MAGEC1: variants seen among roughly 807,000 people sequenced by gnomAD.
The protein encoded by MAGEC1 is melanoma-associated antigen C1.
Under a neutral mutation model 1.5 loss-of-function variants are expected in MAGEC1, and 3 were observed. The ratio of observed to expected loss-of-function variants is 1.97; its 90% confidence interval spans 0.90 to 5.10. The LOEUF is 5.10. MAGEC1 is among the 30% of genes most tolerant of loss of function. MAGEC1 has a pLI of 0.02. For missense variants in MAGEC1, 985 were observed against 803.1 expected, an observed-to-expected ratio of 1.23 and a Z score of -2.74; for synonymous variants, 357 against 310.4, an observed-to-expected ratio of 1.15 and a Z score of -1.58.
Position 141,906,934 on chromosome X carries a change from C to T in MAGEC1, c.1530C>T (p.Pro510=). ...ECTQSTFEGF[P]QSPLQIPQSP... is the part of the protein sequence containing the mutation. ...CTCAAAGTACTTTTGAGGGTTTTCC[C>T]CAGTCTCCTCTCCAGATTCCTCAGA... is the stretch of plus-strand genomic sequence containing the variant. Residue 510 remains proline, a synonymous_variant, in exon 4 of 4, where the codon CCC becomes CCT. Coordinates refer to ENST00000285879, the MANE Select transcript of MAGEC1 (RefSeq NM_005462.5). The T allele has an allele frequency of 8.3e-7, 1 of 1,212,104 alleles. No individual in the cohort carries two copies. The highest frequency in any genetic ancestry group is 1.1e-6 in the Non-Finnish European group (1 of 895,543).
In MAGEC1 at chrX:141,905,101, G is replaced by T. The variant is rs760225183; in HGVS notation, c.4+25G>T. 124 of 1,209,957 alleles carry T rather than the reference G, an allele frequency of 1.0e-4. 1 individual carries two copies. The Admixed American group carries it at 2.6e-3, about 26-fold the overall frequency. On this transcript the variant is annotated intron_variant, in intron 3 of 3. Transcript: ENST00000285879. ...GGTGAGTTTCTCAGCTGAGGCCACT[G>T]GCACTGTCCCTCTCTCCCTCAGTCC...
Position 141,908,176 on chromosome X carries a change from A to G in MAGEC1, c.2772A>G (p.Gln924=). The G allele has an allele frequency of 1.7e-6, 2 of 1,211,792 alleles. No homozygotes were observed. The highest frequency in any genetic ancestry group is 2.2e-6 in the Non-Finnish European group (2 of 895,558). The stretch of plus-strand genomic sequence containing the variant: ...CGCGGTTTCTTCTCCTCAAATATCA[A>G]GTGAAGCAGCCTATCACAAAGGCAG... ...ELARFLLLKY[Q]VKQPITKAEM... The change falls in exon 4 of 4, where the codon CAA becomes CAG. Residue 924 remains glutamine (Q), a synonymous_variant. Transcript: ENST00000285879.
chrX:141,904,397 C>T (rs761432751), intron 1 of MAGEC1, among the ~76,000 whole-genome samples: 60 of 110,556 alleles, frequency 5.4e-4, no homozygotes, highest in Non-Finnish European at 9.3e-4. Context: ...GATTCCCAGG[C>T]CCTGCTGGGA....
In MAGEC1 at chrX:141,908,055, C is replaced by T. The variant is rs762320396; in HGVS notation, c.2651C>T (p.Thr884Ile). Residue 884 changes from threonine (T) to isoleucine (I), a missense_variant, in exon 4 of 4, where the codon ACC (threonine) becomes ATC (isoleucine). Physicochemically the swap from Thr to Ile is moderately conservative, Grantham distance 89. Transcript: ENST00000285879. ...PVDEYTSSSD[T>I]LLESDSLTDS... ...GATGAATATACAAGTTCCTCAGACA[C>T]CTTGCTAGAGAGTGATTCCTTGACA... 17 of 1,211,915 alleles carry T rather than the reference C, an allele frequency of 1.4e-5. No homozygotes were observed. The highest frequency in any genetic ancestry group is 3.0e-5 in the East Asian group (1 of 33,831).
rs771005411 is a variant in MAGEC1, at chrX:141,908,225, A to G, written c.2821A>G (p.Arg941Gly). The G allele has an allele frequency of 2.5e-6, 3 of 1,211,803 alleles. No individual in the cohort carries two copies. Among genetic ancestry groups the G allele is most frequent in the Non-Finnish European group, 3.3e-6 (3 of 895,524 alleles). Residue 941 changes from arginine to glycine, a missense_variant, in exon 4 of 4, where the codon AGG (arginine) becomes GGG (glycine). By Grantham distance (125) the Arg-to-Gly change is moderately radical (BLOSUM62 -2). Transcript: ENST00000285879. ...AGAGATGCTGACGAATGTCATCAGC[A>G]GGTACACGGGCTACTTTCCTGTGAT... ...KAEMLTNVISRYTGYFPVIFR... is the reference protein window; with the variant it reads ...KAEMLTNVISGYTGYFPVIFR...
rs773223839 is a variant in MAGEC1, at chrX:141,905,636, T to C, written c.232T>C (p.Ser78Pro). 2 of 1,208,459 alleles carry C rather than the reference T, an allele frequency of 1.7e-6. No homozygotes were observed. Among genetic ancestry groups the C allele is most frequent in the African/African-American group, 3.5e-5 (2 of 56,730 alleles). The change falls in exon 4 of 4, where the codon TCT (serine) becomes CCT (proline). Residue 78 changes from serine to proline, a missense_variant. Ser to Pro is a moderately conservative substitution (Grantham distance 74, BLOSUM62 -1). Coordinates refer to ENST00000285879, the MANE Select transcript of MAGEC1 (RefSeq NM_005462.5). ...ACCTCCTGAGGGGAAGGACTCCCAG[T>C]CTCCTCTCCAGATTCCCCAGAGTTC... ...QRPPEGKDSQ[S>P]PLQIPQSSPE... is the part of the protein sequence containing the mutation.
Position 141,909,092 on chromosome X carries a change from A to G in MAGEC1, c.*259A>G, listed in dbSNP as rs1927049711. 3.8e-6 allele frequency: 1 copy of G among 262,560 alleles called. No individual in the cohort carries two copies. Among genetic ancestry groups the G allele is most frequent in the African/African-American group, 2.8e-5 (1 of 36,109 alleles). The allele number at this position is 262,560 out of a possible 1,213,427, so 21.6% of individuals were successfully genotyped here. A position where few individuals can be genotyped will look rare whatever the true frequency, so the allele number is the denominator to read the frequency against. ...GCTGTTTTTCTGGTTTAAGAGTAACAGTTTGATATTTTGTAAAAACAAAAA... is the reference window on the plus strand; with the variant it reads ...GCTGTTTTTCTGGTTTAAGAGTAACGGTTTGATATTTTGTAAAAACAAAAA... On this transcript the variant is annotated 3_prime_UTR_variant, in exon 4 of 4. Transcript: ENST00000285879.
At position 141,906,868 on chromosome X, in the gene MAGEC1, C is replaced by G. The variant is rs1391312927; in HGVS notation, c.1464C>G (p.Ser488=). Residue 488 remains serine (S), a synonymous_variant, in exon 4 of 4, where the codon TCC becomes TCG. Transcript: ENST00000285879. ...LQIPVSSSSS[S]STLLSLFQSS... ...TTCCTGTGAGCTCCTCCTCCTCCTC[C>G]TCCACTTTATTGAGTCTTTTCCAGA... 10 of 1,210,828 alleles carry G rather than the reference C, an allele frequency of 8.3e-6. No individual in the cohort carries two copies. The South Asian group carries it at 8.8e-5, about 11-fold the overall frequency.
intron 1 of MAGEC1, among the ~76,000 whole-genome samples, 163 bp downstream of exon 1, chrX:141,904,141 C>T (rs2018161857): frequency 9.0e-6 from 1 of 111,600 alleles, no homozygotes; most frequent in Non-Finnish European, 1.9e-5. Flanking sequence ...AAATGCCGGC[C>T]CTCTAGAGAA....
In MAGEC1 at chrX:141,908,614, G is replaced by C; in HGVS notation, c.3210G>C (p.Leu1070=). 8.3e-7 allele frequency: 1 copy of C among 1,210,492 alleles called. No homozygotes were observed. The highest frequency in any genetic ancestry group is 1.1e-6 in the Non-Finnish European group (1 of 894,782). Residue 1070 remains leucine, a synonymous_variant, in exon 4 of 4, where the codon CTG becomes CTC. Transcript: ENST00000285879. ...CTTCTCCTCCTCGTTACGAATTCCT[G>C]TGGGGTCCAAGAGCTCATTCAGAAG... ...PNSSPPRYEF[L]WGPRAHSEVI...
At position 141,906,689 on chromosome X, in the gene MAGEC1, G is replaced by A. The variant is rs1235244690; in HGVS notation, c.1285G>A (p.Glu429Lys). The A allele has an allele frequency of 8.3e-7, 1 of 1,200,717 alleles. No individual in the cohort carries two copies. The highest frequency in any genetic ancestry group is 1.8e-5 in the African/African-American group (1 of 54,847). Residue 429 changes from glutamate (E) to lysine (K), a missense_variant, in exon 4 of 4, where the codon GAG becomes AAG. By Grantham distance (56) the Glu-to-Lys change is moderately conservative. Transcript: ENST00000285879. The part of the protein sequence containing the change: ...TLLSILQSSP[E>K]SAQSAFEGFP... ...ATTGAGTATTTTACAGAGTTCTCCT[G>A]AGAGTGCTCAAAGTGCTTTTGAGGG...
At position 141,908,597 on chromosome X, in the gene MAGEC1, C is replaced by T. The variant is rs765493381; in HGVS notation, c.3193C>T (p.Pro1065Ser). ...CCGGGAGGTGCCCAACTCTTCTCCT[C>T]CTCGTTACGAATTCCTGTGGGGTCC... ...EYREVPNSSP[P>S]RYEFLWGPRA... The change falls in exon 4 of 4, where the codon CCT becomes TCT. Residue 1065 changes from proline to serine, a missense_variant. Pro to Ser is a moderately conservative substitution (Grantham distance 74, BLOSUM62 -1). Transcript: ENST00000285879. The T allele has an allele frequency of 7.1e-5, 86 of 1,206,797 alleles. No individual in the cohort carries two copies. The highest frequency in any genetic ancestry group is 9.5e-5 in the Non-Finnish European group (85 of 893,507).
At position 141,909,213 on chromosome X, in the gene MAGEC1, G is replaced by A. The variant is rs1267238072; in HGVS notation, c.*380G>A. The A allele has an allele frequency of 1.5e-5, 2 of 132,052 alleles. No homozygotes were observed. The highest frequency in any genetic ancestry group is 6.4e-5 in the African/African-American group (2 of 31,112). The allele number at this position is 132,052 out of a possible 1,213,427, so 10.9% of individuals were successfully genotyped here. ...TTACTGTAGGAATTTTCTTGAAACTGTGAAGGAACTCTGCAGTTAAATAGT... is the reference window on the plus strand; with the variant it reads ...TTACTGTAGGAATTTTCTTGAAACTATGAAGGAACTCTGCAGTTAAATAGT... On this transcript the variant is annotated 3_prime_UTR_variant, in exon 4 of 4. Transcript: ENST00000285879.
chrX:141,907,163 G>A lies in MAGEC1; in HGVS notation c.1759G>A (p.Glu587Lys), dbSNP rs752485278. ...PHYFPQSPQG[E>K]DSLSPHYFPQ... is the part of the protein sequence containing the mutation. ...CTACTTTCCTCAGAGCCCTCAGGGG[G>A]AGGACTCCCTGTCTCCTCACTACTT... The change falls in exon 4 of 4, where the codon GAG (glutamate) becomes AAG (lysine). Residue 587 changes from glutamate (E) to lysine (K), a missense_variant. Glu to Lys is a moderately conservative substitution (Grantham distance 56). Coordinates refer to ENST00000285879, the MANE Select transcript of MAGEC1 (RefSeq NM_005462.5). 1.5e-5 allele frequency: 18 copies of A among 1,207,041 alleles called. No individual in the cohort carries two copies. In the African/African-American group the frequency reaches 2.8e-4, roughly 19 times the overall value.
In MAGEC1 at chrX:141,907,446, G is replaced by A; in HGVS notation, c.2042G>A (p.Ser681Asn). Residue 681 changes from serine (S) to asparagine (N), a missense_variant, in exon 4 of 4, where the codon AGT becomes AAT. Ser to Asn is a conservative substitution (Grantham distance 46). Coordinates refer to ENST00000285879, the MANE Select transcript of MAGEC1 (RefSeq NM_005462.5). ...HSQSPLQSPE[S>N]APEGEDSLSP... Reference sequence around the variant, plus strand: ...CAATCTCCTCTCCAGAGTCCTGAGAGTGCTCCTGAGGGGGAGGATTCCCTG... The same window carrying A: ...CAATCTCCTCTCCAGAGTCCTGAGAATGCTCCTGAGGGGGAGGATTCCCTG... 1 of 1,204,059 alleles carries A rather than the reference G, an allele frequency of 8.3e-7. No individual in the cohort carries two copies.
At position 141,907,366 on chromosome X, in the gene MAGEC1, G is replaced by T. The variant is rs1433551232; in HGVS notation, c.1962G>T (p.Gly654=). Residue 654 remains glycine (G), a synonymous_variant, in exon 4 of 4, where the codon GGG becomes GGT. Coordinates refer to ENST00000285879, the MANE Select transcript of MAGEC1 (RefSeq NM_005462.5). The part of the protein sequence containing the change: ...FPESSQSPPE[G]PVQSPLHSPQ... The stretch of plus-strand genomic sequence containing the variant: ...AGAGTTCTCAGAGTCCTCCTGAGGG[G>T]CCTGTCCAGTCTCCTCTCCATAGTC... 2 of 1,205,455 alleles carry T rather than the reference G, an allele frequency of 1.7e-6. No homozygotes were observed. The highest frequency in any genetic ancestry group is 4.4e-5 in the Admixed American group (2 of 45,478).
At position 141,907,644 on chromosome X, in the gene MAGEC1, G is replaced by T. The variant is rs139916073; in HGVS notation, c.2240G>T (p.Cys747Phe). ...QSSLQSPVSICSSSTSLSLPQ... is the reference protein window; with the variant it reads ...QSSLQSPVSIFSSSTSLSLPQ... ...TCTCTCCAGAGTCCTGTGAGTATCT[G>T]CTCCTCCTCCACTTCTTTGAGTCTT... Residue 747 changes from cysteine (C) to phenylalanine (F), a missense_variant, in exon 4 of 4, where the codon TGC becomes TTC. Coordinates refer to ENST00000285879, the MANE Select transcript of MAGEC1 (RefSeq NM_005462.5). 111 of 1,201,776 alleles carry T rather than the reference G, an allele frequency of 9.2e-5. 2 individuals carry two copies. In the African/African-American group the frequency reaches 1.6e-3, roughly 17 times the overall value.
rs753365299 is a variant in MAGEC1 at position 141,906,504 on chromosome X, G to C, written c.1100G>C (p.Gly367Ala). ...SPESAQSTFE[G>A]FPQSPLQIPG... The stretch of plus-strand genomic sequence containing the variant: ...GAGAGTGCTCAAAGTACTTTTGAGG[G>C]TTTTCCCCAGTCTCCTCTCCAGATT... Residue 367 changes from glycine to alanine, a missense_variant, in exon 4 of 4, where the codon GGT becomes GCT. Gly to Ala is a moderately conservative substitution (Grantham distance 60). Coordinates refer to ENST00000285879, the MANE Select transcript of MAGEC1 (RefSeq NM_005462.5). 5 of 1,194,662 alleles carry C rather than the reference G, an allele frequency of 4.2e-6. No individual in the cohort carries two copies. In the East Asian group the frequency reaches 1.5e-4, roughly 36 times the overall value.
At position 141,906,034 on chromosome X, in the gene MAGEC1, A is replaced by AG; in HGVS notation, c.630_631insG (p.Leu211ValfsTer9). ...TGAGCCGCTCCTTCTCCTCCACTTT[A>AG]TTGAGTATTTTCCAGAGTTCCCCTG... is the stretch of plus-strand genomic sequence containing the variant. On this transcript the variant is annotated frameshift_variant, in exon 4 of 4. Transcript: ENST00000285879. LOFTEE classifies it low-confidence loss of function (END_TRUNC). 8.4e-7 allele frequency: 1 copy of AG among 1,195,034 alleles called. No homozygotes were observed. Among genetic ancestry groups the AG allele is most frequent in the East Asian group, 3.0e-5 (1 of 33,661 alleles).
Sources: gnomAD v4.1 joint callset for allele counts (sites outside exome capture counted in the v4.1 genomes callset) on GRCh38, gnomAD v4.1.1 for gene constraint, MANE v1.5 for transcripts, NCBI Gene and HGNC (gene_info 2026-07-23, HGNC 2026-07-21) for gene names.